Variants in LRRIQ1 observed in about 807,000 individuals in gnomAD.
The protein encoded by LRRIQ1 is leucine rich repeats and IQ motif containing 1, also known as leucine-rich repeat- and IQ domain-containing protein 1.
LRRIQ1 carries 210 observed loss-of-function variants against 211.9 expected under a neutral mutation model. That is an observed-to-expected ratio of 0.99 (90% CI 0.89 to 1.11). The LOEUF (loss-of-function observed/expected upper bound fraction) is 1.11, where lower values mean the gene tolerates loss of function less well. LRRIQ1 is among the 50% of genes most tolerant of loss of function. LRRIQ1 has a pLI of 0.00. For synonymous variants in LRRIQ1, 699 were observed against 650.1 expected, an observed-to-expected ratio of 1.08 and a Z score of -1.14; for missense variants, 2,136 against 1,939.5, an observed-to-expected ratio of 1.10 and a Z score of -1.90.
intron 5 of LRRIQ1, 84 bp from the exon 6 acceptor site, chr12:85,047,161 ATT>A (rs1657116884): frequency 1.6e-6 from 1 of 611,462 alleles, no homozygotes; most frequent in South Asian, 2.5e-5. Flanking sequence ...TTAAAAAAAA[ATT>A]AAAAAAATTA....
chr12:85,171,315 T>G (rs953233701), intron 24 of LRRIQ1, among the ~76,000 whole-genome samples: 12 of 152,136 alleles, frequency 7.9e-5, no homozygotes, highest in African/African-American at 2.4e-4. Flanking sequence ...TAAAGAGAAG[T>G]GTGAGGCAGT....
chr12:85,218,091 A>T (rs1894240124), intron 24 of LRRIQ1, among the ~76,000 whole-genome samples: 1 of 152,028 alleles, frequency 6.6e-6, no homozygotes, highest in South Asian at 2.1e-4. Flanking sequence ...ACTTAAAATC[A>T]ATTAAGACCA....
At chr12:85,199,459 T>C (rs1442822351) in intron 24 of LRRIQ1, among the ~76,000 whole-genome samples, 1 of 152,122 alleles carries the variant, frequency 6.6e-6, no homozygotes, top group African/African-American at 2.4e-5. Flanking sequence ...TTGGCCCCAT[T>C]GGTCTGTGTC....
At chr12:85,122,928 T>C (rs1186904973) in intron 16 of LRRIQ1, among the ~76,000 whole-genome samples, 2 of 152,172 alleles carry the variant, frequency 1.3e-5, no homozygotes, top group Non-Finnish European at 2.9e-5. Flanking sequence ...ATTTTAAATG[T>C]AGTCCTTTGG....
chr12:85,142,135 G>A (rs887945957), intron 19 of LRRIQ1, among the ~76,000 whole-genome samples: 3 of 151,236 alleles, frequency 2.0e-5, no homozygotes, highest in Non-Finnish European at 4.4e-5. Flanking sequence ...AGCATTTCTG[G>A]CTTCCATAGT....
At chr12:85,127,810 T>G (rs1565853870) in intron 17 of LRRIQ1, 22 bp from the exon 18 acceptor site, 16 of 1,583,102 alleles carry the variant, frequency 1.0e-5, no homozygotes, top group African/African-American at 1.4e-5. Context: ...AAAGTGTGTG[T>G]TTTTTTTTCT....
At chr12:85,257,795 A>T (rs1433878244) in intron 1 of LRRIQ1, among the ~76,000 whole-genome samples, 1 of 151,878 alleles carries the variant, frequency 6.6e-6, no homozygotes, top group Non-Finnish European at 1.5e-5. Flanking sequence ...TCCAAGAAAA[A>T]AGTGTGAAAA....
chr12:85,178,126 C>G (rs1428914396), intron 24 of LRRIQ1, among the ~76,000 whole-genome samples: 1 of 152,010 alleles, frequency 6.6e-6, no homozygotes, highest in Non-Finnish European at 1.5e-5. Flanking sequence ...TCTCTCTTAG[C>G]AATTGGTGTC....
At chr12:85,243,476 C>G (rs1277201609) in intron 26 of LRRIQ1, among the ~76,000 whole-genome samples, 3 of 150,366 alleles carry the variant, frequency 2.0e-5, no homozygotes, top group Non-Finnish European at 4.5e-5. Flanking sequence ...TATTACTTAG[C>G]CAGTTACATT....
the LRRIQ1 span, among the ~76,000 whole-genome samples, chr12:85,271,612 A>G: frequency 3.3e-5 from 5 of 152,046 alleles, no homozygotes; most frequent in Non-Finnish European, 7.4e-5. Flanking sequence ...TATTTTGAAG[A>G]TCTGGTCTTC....
At chr12:85,213,418 T>C (rs1343214988) in intron 24 of LRRIQ1, among the ~76,000 whole-genome samples, 1 of 152,044 alleles carries the variant, frequency 6.6e-6, no homozygotes. Flanking sequence ...CTATCACGTC[T>C]ATATAGCATG....
chr12:85,137,825 TAA>T lies in LRRIQ1; in HGVS notation c.4210-24_4210-23del, dbSNP rs1304523244. The T allele has an allele frequency of 1.9e-6, 3 of 1,561,868 alleles. No individual in the cohort carries two copies. The African/African-American group carries it at 4.2e-5, about 22-fold the overall frequency. Reference sequence around the variant, plus strand: ...TTAGGGTTTGATCTATAACTTTGTATAACATACTTTACATTTTTGTTTAGGCA... The same window carrying T: ...TTAGGGTTTGATCTATAACTTTGTATCATACTTTACATTTTTGTTTAGGCA... On this transcript the variant is annotated intron_variant, in intron 18 of 26. Coordinates refer to ENST00000393217, the MANE Select transcript of LRRIQ1 (RefSeq NM_001079910.2).
intron 10 of LRRIQ1, among the ~76,000 whole-genome samples, chr12:85,070,164 C>G (rs974559936): frequency 2.6e-5 from 4 of 151,926 alleles, no homozygotes; most frequent in Admixed American, 2.0e-4. Context: ...GCTGCTTTGG[C>G]GGGAATTCTT....
At chr12:85,197,335 C>A (rs1892976952) in intron 24 of LRRIQ1, among the ~76,000 whole-genome samples, 1 of 151,848 alleles carries the variant, frequency 6.6e-6, no homozygotes, top group South Asian at 2.1e-4. Flanking sequence ...TGGGTATATA[C>A]CCAAAGGACT....
At position 85,241,808 on chromosome 12, in the gene LRRIQ1, C is replaced by T. The variant is rs935815507; in HGVS notation, c.5017-2981C>T. On this transcript the variant is annotated intron_variant, in intron 26 of 26. Transcript: ENST00000393217. ...TATCTTCACTTCCAAAAAGACAATA[C>T]TTTTAAAATTAATAATTAATAAAAT... Among the ~76,000 whole-genome samples, 11 of 151,814 alleles carry T rather than the reference C, an allele frequency of 7.2e-5. No individual in the cohort carries two copies. The South Asian group carries it at 2.3e-3, about 31-fold the overall frequency.
At chr12:85,086,401 G>A (rs1007505131) in intron 11 of LRRIQ1, among the ~76,000 whole-genome samples, 1 of 151,960 alleles carries the variant, frequency 6.6e-6, no homozygotes, top group East Asian at 1.9e-4. Context: ...GTTTAAAAGT[G>A]TGTAGCACCT....
chr12:85,049,272 T>G (rs190078189), intron 6 of LRRIQ1, among the ~76,000 whole-genome samples: 3 of 152,214 alleles, frequency 2.0e-5, no homozygotes, highest in Non-Finnish European at 1.5e-5. Flanking sequence ...TTACACCCAA[T>G]TCCTCCCCCC....
At chr12:85,144,387 A>T (rs963764245) in intron 19 of LRRIQ1, among the ~76,000 whole-genome samples, 6 of 151,628 alleles carry the variant, frequency 4.0e-5, no homozygotes, top group African/African-American at 7.3e-5. Flanking sequence ...TATAGTAGAA[A>T]ATAAGATATT....
chr12:85,243,547 T>G (rs1254993798), intron 26 of LRRIQ1, among the ~76,000 whole-genome samples: 1 of 151,108 alleles, frequency 6.6e-6, no homozygotes, highest in Non-Finnish European at 1.5e-5. Context: ...AATACTTGCT[T>G]ACTTAAAAAT....
Sources: allele counts gnomAD v4.1 joint callset (sites outside exome capture counted in the v4.1 genomes callset), GRCh38; gene constraint gnomAD v4.1.1; transcripts MANE v1.5; gene names NCBI Gene and HGNC (gene_info 2026-07-23, HGNC 2026-07-21).